Variants in DST observed in about 807,000 individuals in gnomAD.
DST encodes bullous pemphigoid antigen.
A neutral mutation model predicts 875.2 loss-of-function variants in DST; 253 were observed. The ratio of observed to expected loss-of-function variants is 0.29; its 90% confidence interval spans 0.26 to 0.32. The LOEUF (loss-of-function observed/expected upper bound fraction) is 0.32. Among genes scored for constraint, DST ranks in the 10% least tolerant of loss-of-function variants. DST has a pLI of 1.00. For synonymous variants in DST, 3,124 were observed against 3,197.1 expected (o/e 0.98, Z 0.77); for missense variants, 8,287 against 9,111.6 (o/e 0.91, Z 3.68).
intron 9 of DST, among the ~76,000 whole-genome samples, chr6:56,690,728 C>T (rs1486079247): frequency 2.6e-5 from 4 of 152,186 alleles, no homozygotes; most frequent in African/African-American, 9.6e-5. Flanking sequence ...TGGAAGCTCT[C>T]ATTTGCAACT....
At chr6:56,614,547 C>T (rs2098593879) in intron 36 of DST, 63 bp from the exon 37 acceptor site, 2 of 1,455,972 alleles carry the variant, frequency 1.4e-6, no homozygotes, top group South Asian at 3.2e-5. Flanking sequence ...ATTAAACTGA[C>T]CTCTCCATAG....
chr6:56,566,379 A>C (rs1349145050), intron 55 of DST, among the ~76,000 whole-genome samples: 4 of 152,196 alleles, frequency 2.6e-5, no homozygotes, highest in African/African-American at 9.6e-5. Flanking sequence ...CCATAGGAAA[A>C]GTGTAGTATC....
intron 36 of DST, chr6:56,618,112 G>T (rs2098646907): frequency 1.2e-6 from 2 of 1,613,996 alleles, no homozygotes; most frequent in Non-Finnish European, 1.7e-6. Flanking sequence ...TTGTAATGGG[G>T]TTTGTCTCAT....
Position 56,557,453 on chromosome 6 carries a change from T to C in DST, c.14506A>G (p.Asn4836Asp). 6.2e-7 allele frequency: 1 copy of C among 1,613,718 alleles called. No individual in the cohort carries two copies. Among genetic ancestry groups the C allele is most frequent in the Admixed American group, 1.7e-5 (1 of 60,014 alleles). ...ACAGTCTGGAACTGGGTTAGATTAT[T>C]GGAGGATTCTTCCAGTTTTTGTTGT... ...DRQQKLEESS[N>D]NLTQFQTVEA... is the part of the protein sequence containing the mutation. The change falls in exon 59 of 104, where the codon AAT (asparagine) becomes GAT (aspartate). Residue 4836 changes from asparagine to aspartate, a missense_variant. Around this residue, in one of 10 missense-constraint regions of DST, gnomAD observed 1,513 missense variants for 1,677.8 expected, o/e 0.90. Coordinates refer to ENST00000680361, the MANE Select transcript of DST (RefSeq NM_001374736.1).
At chr6:56,464,593 C>A in intron 100 of DST, 92 bp downstream of exon 100, 1 of 915,838 alleles carries the variant, frequency 1.1e-6, no homozygotes, top group South Asian at 1.5e-5. Flanking sequence ...ATGGATGAAG[C>A]ATGTTATTTT....
chr6:56,702,738 A>C (rs1033920450), intron 7 of DST, among the ~76,000 whole-genome samples: 2 of 152,204 alleles, frequency 1.3e-5, no homozygotes, highest in African/African-American at 4.8e-5. Context: ...AAACAGAGGA[A>C]ACAGAGCTGA....
At chr6:56,530,723 T>A (rs2152513535) in intron 64 of DST, among the ~76,000 whole-genome samples, 1 of 152,276 alleles carries the variant, frequency 6.6e-6, no homozygotes, top group Non-Finnish European at 1.5e-5. Flanking sequence ...AGGGGAGAAG[T>A]ATTCATTGGA....
intron 34 of DST, among the ~76,000 whole-genome samples, chr6:56,625,751 A>T: frequency 6.6e-6 from 1 of 151,648 alleles, no homozygotes; most frequent in East Asian, 1.9e-4. Context: ...AAAAAAAAAA[A>T]AGTTAACTGT....
intron 89 of DST, 140 bp downstream of exon 89, chr6:56,482,543 G>C (rs2095436145): frequency 5.1e-6 from 4 of 785,730 alleles, no homozygotes; most frequent in Non-Finnish European, 7.7e-6. Flanking sequence ...AAGGATCAAG[G>C]CAATGTTGCT....
rs112635185 is a variant in DST at position 56,704,315 on chromosome 6, T to C, written c.742A>G (p.Ile248Val). 2,607 of 1,572,826 alleles carry C rather than the reference T, an allele frequency of 1.7e-3. 6 individuals carry two copies. The highest frequency in any genetic ancestry group is 2.0e-3 in the Non-Finnish European group (2,307 of 1,157,926). ...YEDLRDGHNL[I>V]SLLEVLSGDT... ...CCTGAAAGAACCTCTAAAAGAGAAA[T>C]CAAATTGTGTCCATCCCTTAAGTCT... The change falls in exon 6 of 104, where the codon ATT becomes GTT. Residue 248 changes from isoleucine (I) to valine (V), a missense_variant. Physicochemically the swap from Ile to Val is conservative, Grantham distance 29. Coordinates refer to ENST00000680361, the MANE Select transcript of DST (RefSeq NM_001374736.1).
chr6:56,712,550 T>C (rs556749705), intron 5 of DST, among the ~76,000 whole-genome samples: 11 of 152,332 alleles, frequency 7.2e-5, no homozygotes, highest in Non-Finnish European at 1.2e-4. Flanking sequence ...GCTATTATAA[T>C]ACTAATAGCT....
intron 36 of DST, chr6:56,616,296 T>A (rs1347954887): frequency 6.2e-7 from 1 of 1,614,038 alleles, no homozygotes; most frequent in East Asian, 2.2e-5. Flanking sequence ...TCAGTCAGCA[T>A]ATGAGAAGAA....
intron 10 of DST, among the ~76,000 whole-genome samples, chr6:56,668,400 C>T (rs898759470): frequency 1.3e-5 from 2 of 151,912 alleles, no homozygotes; most frequent in Admixed American, 1.3e-4. Context: ...AATGTTGTTC[C>T]ACAAAGGAAG....
At chr6:56,618,516 G>C (rs778505680) in intron 36 of DST, 2 of 1,614,068 alleles carry the variant, frequency 1.2e-6, no homozygotes, top group African/African-American at 2.7e-5. Context: ...TCAACCTCAC[G>C]CTTCTGGGCT....
At chr6:56,646,991 C>T (rs1217905842) in intron 13 of DST, among the ~76,000 whole-genome samples, 1 of 152,174 alleles carries the variant, frequency 6.6e-6, no homozygotes, top group Non-Finnish European at 1.5e-5. Flanking sequence ...AATTATCTGG[C>T]ATTTCCCCAT....
chr6:56,489,346 G>T, intron 86 of DST, 144 bp downstream of exon 86: 1 of 663,566 alleles, frequency 1.5e-6, no homozygotes, highest in Non-Finnish European at 2.2e-6. Flanking sequence ...AACATGAAGA[G>T]CAATAGCTTT....
intron 82 of DST, among the ~76,000 whole-genome samples, chr6:56,496,633 T>C (rs1347503199): frequency 3.3e-5 from 5 of 152,146 alleles, no homozygotes; most frequent in African/African-American, 4.8e-5. Flanking sequence ...CACTGTGTTA[T>C]ATTACCACCA....
chr6:56,573,218 C>T (rs1486952958), intron 51 of DST, among the ~76,000 whole-genome samples, 154 bp from the exon 52 acceptor site: 1 of 152,054 alleles, frequency 6.6e-6, no homozygotes, highest in Non-Finnish European at 1.5e-5. Context: ...TTGGTCTGTC[C>T]CTTGAGGAAT....
intron 2 of DST, among the ~76,000 whole-genome samples, chr6:56,930,205 CGTATCT>C (rs1490274486): frequency 6.6e-6 from 1 of 152,184 alleles, no homozygotes. Context: ...AGGCCTATGC[CGTATCT>C]TGGTTTTTCA....
Sources: gnomAD v4.1 joint callset for allele counts (sites outside exome capture counted in the v4.1 genomes callset) on GRCh38, gnomAD v4.1.1 for gene constraint, gnomAD v4.1.1 regional missense constraint, MANE v1.5 for transcripts, NCBI Gene and HGNC (gene_info 2026-07-23, HGNC 2026-07-21) for gene names.